GLCCI1: variants seen among roughly 807,000 people sequenced by gnomAD.
GLCCI1 encodes the protein glucocorticoid-induced transcript 1 protein.
GLCCI1 carries 24 observed loss-of-function variants against 52.2 expected under a neutral mutation model. The observed-to-expected ratio is 0.46, with a 90% CI of 0.33 to 0.65. GLCCI1 has a LOEUF of 0.65. Ranked by LOEUF, GLCCI1 falls within the 30% of genes least tolerant of loss-of-function variation. The probability of loss-of-function intolerance (pLI) is 0.02; values close to 1 mark genes in which losing one functional copy is unlikely to be tolerated. For missense variants in GLCCI1, 704 were observed against 701.5 expected (o/e 1.00, Z -0.04); for synonymous variants, 310 against 276.5 (o/e 1.12, Z -1.20).
At position 8,086,574 on chromosome 7, in the gene GLCCI1, G is replaced by A; in HGVS notation, c.*36G>A. 4 of 1,488,366 alleles carry A rather than the reference G, an allele frequency of 2.7e-6. No individual in the cohort carries two copies. Among genetic ancestry groups the A allele is most frequent in the Non-Finnish European group, 3.6e-6 (4 of 1,103,884 alleles). 92.2% of individuals were successfully genotyped at this position (1,488,366 alleles called of 1,614,324 possible). A position where few individuals can be genotyped will look rare whatever the true frequency, so the allele number is the denominator to read the frequency against. ...GCTGGCCTCCACCCTATGTTCCATG[G>A]ATTCGGAACAAGATTTCAGACATCT... On this transcript the variant is annotated 3_prime_UTR_variant, in exon 8 of 8. Transcript: ENST00000223145. The surrounding 1 kb of genome is among the most constrained non-coding windows in gnomAD (Gnocchi z 4.4).
At chr7:8,036,875 A>G (rs1051962243) in intron 3 of GLCCI1, among the ~76,000 whole-genome samples, 8 of 152,180 alleles carry the variant, frequency 5.3e-5, no homozygotes, top group Non-Finnish European at 7.3e-5. Context: ...TGAAAAATAA[A>G]GCCTTTGAGA....
At chr7:8,033,110 G>A (rs562748458) in intron 3 of GLCCI1, among the ~76,000 whole-genome samples, 3 of 151,960 alleles carry the variant, frequency 2.0e-5, no homozygotes, top group African/African-American at 4.8e-5. Context: ...CAGAAAATTA[G>A]TTAATGGCAT....
At chr7:8,068,447 G>A (rs1158698304) in intron 5 of GLCCI1, among the ~76,000 whole-genome samples, 1 of 152,182 alleles carries the variant, frequency 6.6e-6, no homozygotes, top group East Asian at 1.9e-4. Flanking sequence ...TAATATTTGG[G>A]ATTGCATTAT....
intron 2 of GLCCI1, among the ~76,000 whole-genome samples, chr7:8,021,609 G>T (rs1229766915): frequency 6.6e-6 from 1 of 152,070 alleles, no homozygotes; most frequent in East Asian, 1.9e-4. Context: ...CACCATGTTG[G>T]TCAGGCTGGT....
At chr7:7,975,766 CAGAG>C (rs886363014) in intron 1 of GLCCI1, among the ~76,000 whole-genome samples, 18 of 152,038 alleles carry the variant, frequency 1.2e-4, no homozygotes, top group African/African-American at 4.4e-4. Flanking sequence ...GAGAAAGAGA[CAGAG>C]AGAATGTGTG....
intron 1 of GLCCI1, among the ~76,000 whole-genome samples, chr7:7,989,318 G>A (rs1780795412): frequency 6.6e-6 from 1 of 152,064 alleles, no homozygotes; most frequent in Admixed American, 6.6e-5. Flanking sequence ...TGTCACATTG[G>A]CAAGTATGGT....
intron 2 of GLCCI1, among the ~76,000 whole-genome samples, chr7:8,014,018 C>T (rs1483789337): frequency 1.4e-5 from 2 of 138,690 alleles, no homozygotes; most frequent in Non-Finnish European, 3.0e-5. Flanking sequence ...GAGACGGAGT[C>T]TTGCTCTGTC....
intron 5 of GLCCI1, among the ~76,000 whole-genome samples, chr7:8,065,302 G>T (rs1359839989): frequency 2.0e-5 from 3 of 152,106 alleles, no homozygotes; most frequent in Admixed American, 6.5e-5. Flanking sequence ...GGAGCTTTTG[G>T]GTAGAGACTA....
chr7:8,066,466 C>G (rs189681816), intron 5 of GLCCI1, among the ~76,000 whole-genome samples: 1 of 151,494 alleles, frequency 6.6e-6, no homozygotes, highest in Non-Finnish European at 1.5e-5. Context: ...TCTAGTCCCT[C>G]TATATGTGAT....
Position 8,060,261 on chromosome 7 carries a change from G to A in GLCCI1, c.966+13G>A, listed in dbSNP as rs1369035166. On this transcript the variant is annotated intron_variant, in intron 5 of 7. Transcript: ENST00000223145. ...AGAAGTATCCAAGGTAAGGTTACAT[G>A]GGATATTTGAATCCTTTTTTTCTCT... The A allele has an allele frequency of 6.3e-7, 1 of 1,594,796 alleles. No individual in the cohort carries two copies. Among genetic ancestry groups the A allele is most frequent in the Admixed American group, 1.7e-5 (1 of 57,954 alleles).
chr7:8,005,360 CAAG>C (rs1272560486), intron 2 of GLCCI1, among the ~76,000 whole-genome samples: 17 of 152,060 alleles, frequency 1.1e-4, no homozygotes, highest in African/African-American at 4.1e-4. Context: ...TGCACACACA[CAAG>C]AAAAAAACTA....
Position 7,969,826 on chromosome 7 carries a change from C to T in GLCCI1, c.457+19C>T, listed in dbSNP as rs1052251439. 1.3e-5 allele frequency: 19 copies of T among 1,425,708 alleles called. No individual in the cohort carries two copies. In the African/African-American group the frequency reaches 2.5e-4, roughly 19 times the overall value. 88.3% of individuals were successfully genotyped at this position (1,425,708 alleles called of 1,614,324 possible). A position where few individuals can be genotyped will look rare whatever the true frequency, so the allele number is the denominator to read the frequency against. On this transcript the variant is annotated intron_variant, in intron 1 of 7. Coordinates refer to ENST00000223145, the MANE Select transcript of GLCCI1 (RefSeq NM_138426.4). The surrounding 1 kb of genome is among the most constrained non-coding windows in gnomAD (Gnocchi z 4.9). Reference sequence around the variant, plus strand: ...TGCAGAGGTAGCGAGCCCAACCCTCCCGTCCTCCCGGGCTGCGTCTCCCCG... The same window carrying T: ...TGCAGAGGTAGCGAGCCCAACCCTCTCGTCCTCCCGGGCTGCGTCTCCCCG...
At chr7:7,999,167 GAGAT>G (rs1260334548) in intron 1 of GLCCI1, among the ~76,000 whole-genome samples, 9 of 151,702 alleles carry the variant, frequency 5.9e-5, no homozygotes, top group African/African-American at 2.2e-4. Context: ...TCTTTTTAAA[GAGAT>G]AGATAAAGAT....
chr7:7,991,592 G>A (rs1267108903), intron 1 of GLCCI1, among the ~76,000 whole-genome samples: 1 of 151,908 alleles, frequency 6.6e-6, no homozygotes, highest in African/African-American at 2.4e-5. Flanking sequence ...TTACTGACAT[G>A]TCCAGTAGTT....
intron 5 of GLCCI1, chr7:8,070,683 G>T (rs1223445146): frequency 8.8e-6 from 4 of 456,634 alleles, no homozygotes; most frequent in African/African-American, 4.0e-5. Flanking sequence ...TGACCTACAG[G>T]TACATACAGT....
rs749297406 is a variant in GLCCI1, at chr7:8,060,093, T to C, written c.814-3T>C. On this transcript the variant is annotated splice_polypyrimidine_tract_variant and splice_region_variant and intron_variant, in intron 4 of 7. Transcript: ENST00000223145. ...TTGATACCACCTTTATCTTATCTCA[T>C]AGGCTACTGGATCAAGGTCAGTTCC... 7 of 1,608,930 alleles carry C rather than the reference T, an allele frequency of 4.4e-6. No individual in the cohort carries two copies. Among genetic ancestry groups the C allele is most frequent in the Middle Eastern group, 1.6e-4 (1 of 6,062 alleles).
At chr7:7,999,142 G>A (rs1262884890) in intron 1 of GLCCI1, among the ~76,000 whole-genome samples, 1 of 151,908 alleles carries the variant, frequency 6.6e-6, no homozygotes, top group African/African-American at 2.4e-5. Flanking sequence ...TGAACACTAA[G>A]TGTAGAGCAT....
intron 1 of GLCCI1, chr7:7,980,636 A>G: frequency 1.2e-6 from 1 of 807,724 alleles, no homozygotes; most frequent in Non-Finnish European, 2.1e-6. Flanking sequence ...TTTGAGACAG[A>G]AAACGTCCCA....
At chr7:7,997,817 C>G (rs1011307848) in intron 1 of GLCCI1, among the ~76,000 whole-genome samples, 1 of 151,928 alleles carries the variant, frequency 6.6e-6, no homozygotes, top group Non-Finnish European at 1.5e-5. Flanking sequence ...AATCCAGCTA[C>G]TCGGGAGCCT....
Sources: gnomAD v4.1 joint callset for allele counts (sites outside exome capture counted in the v4.1 genomes callset) on GRCh38, gnomAD v4.1.1 for gene constraint, Gnocchi (gnomAD v3.1) non-coding constraint, MANE v1.5 for transcripts, NCBI Gene and HGNC (gene_info 2026-07-23, HGNC 2026-07-21) for gene names.